HIVEP3: variants seen among roughly 807,000 people sequenced by gnomAD.
HIVEP3 encodes the protein transcription factor HIVEP3.
HIVEP3 carries 49 observed loss-of-function variants against 152.8 expected under a neutral mutation model. The observed-to-expected ratio is 0.32, with a 90% CI of 0.26 to 0.41. The LOEUF is 0.41. HIVEP3 is among the 10% of genes least tolerant of loss of function. The pLI is 1.00. For missense variants in HIVEP3, 2,790 were observed against 3,103.3 expected (o/e 0.90, Z 2.40); for synonymous variants, 1,269 against 1,289.0 (o/e 0.98, Z 0.33).
intron 1 of HIVEP3, among the ~76,000 whole-genome samples, chr1:41,917,084 C>T (rs370761419): frequency 1.3e-5 from 2 of 152,194 alleles, no homozygotes; most frequent in African/African-American, 4.8e-5. Flanking sequence ...TTCCTCCTTG[C>T]CCCCACTCTC....
At chr1:41,614,850 G>GA (rs1407702654) in intron 3 of HIVEP3, among the ~76,000 whole-genome samples, 4 of 152,138 alleles carry the variant, frequency 2.6e-5, no homozygotes, top group South Asian at 2.1e-4. Flanking sequence ...CAGTTCCTCA[G>GA]AAAAAACAAA....
chr1:41,650,186 G>C (rs1313821527), intron 2 of HIVEP3, among the ~76,000 whole-genome samples: 1 of 152,098 alleles, frequency 6.6e-6, no homozygotes, highest in Non-Finnish European at 1.5e-5. Context: ...CTTCAAAAGA[G>C]GGTCAAGAAG....
At chr1:41,856,772 C>T (rs188105620) in intron 1 of HIVEP3, among the ~76,000 whole-genome samples, 79 of 152,204 alleles carry the variant, frequency 5.2e-4, no homozygotes, top group Non-Finnish European at 7.8e-4. Context: ...GCTTTGTTGA[C>T]GGCGCTGAAG....
intron 1 of HIVEP3, among the ~76,000 whole-genome samples, chr1:41,912,764 T>C (rs1201762022): frequency 1.3e-5 from 2 of 152,240 alleles, no homozygotes; most frequent in Non-Finnish European, 2.9e-5. Context: ...TCAGCTGTGC[T>C]ATGCCCAATT....
At chr1:41,827,721 G>C (rs1019997687) in intron 1 of HIVEP3, among the ~76,000 whole-genome samples, 1 of 152,170 alleles carries the variant, frequency 6.6e-6, no homozygotes, top group Non-Finnish European at 1.5e-5. Context: ...TATTCCAGTA[G>C]AACCACATCA....
intron 1 of HIVEP3, among the ~76,000 whole-genome samples, chr1:41,914,826 C>G (rs752259692): frequency 6.1e-4 from 93 of 152,312 alleles, no homozygotes; most frequent in Non-Finnish European, 1.2e-3. Flanking sequence ...TTTCCATCAC[C>G]AGGTCTCTTC....
Position 41,546,389 on chromosome 1 carries a change from G to C in HIVEP3, c.5208-21479C>G, listed in dbSNP as rs79492590. 1.9e-3 allele frequency among the ~76,000 whole-genome samples: 293 copies of C among 152,334 alleles called. 1 individual carries two copies. Among genetic ancestry groups the C allele is most frequent in the Non-Finnish European group, 3.2e-3 (220 of 68,024 alleles). On this transcript the variant is annotated intron_variant, in intron 5 of 8. Transcript: ENST00000372583. ...TTCAGGGCACAGAAAAGCAAGGAGTGCTCTTCTCAGCAGGCTCAGAGCTGA... is the reference window on the plus strand; with the variant it reads ...TTCAGGGCACAGAAAAGCAAGGAGTCCTCTTCTCAGCAGGCTCAGAGCTGA...
upstream of HIVEP3, among the ~76,000 whole-genome samples, chr1:41,920,577 G>GTTTTTTTTTTTTTTTTTTTTTT (rs10708045): frequency 8.1e-6 from 1 of 123,180 alleles, no homozygotes. Flanking sequence ...AAACAAGATG[G>GTTTTTTTTTTTTTTTTTTTTTT]TTTTTTTTTT....
intron 1 of HIVEP3, among the ~76,000 whole-genome samples, chr1:41,890,270 C>T (rs957353377): frequency 6.6e-6 from 1 of 152,148 alleles, no homozygotes; most frequent in African/African-American, 2.4e-5. Context: ...AGCACAGAGA[C>T]AACCAAACAT....
chr1:41,779,553 T>C (rs1261309501), intron 1 of HIVEP3, among the ~76,000 whole-genome samples: 1 of 152,228 alleles, frequency 6.6e-6, no homozygotes, highest in Non-Finnish European at 1.5e-5. Context: ...GGGAGTGCAG[T>C]GGCACGATTT....
At position 41,583,011 on chromosome 1, in the gene HIVEP3, G is replaced by T. The variant is rs1644440284; in HGVS notation, c.1787C>A (p.Pro596His). 6.2e-7 allele frequency: 1 copy of T among 1,613,968 alleles called. No individual in the cohort carries two copies. Among genetic ancestry groups the T allele is most frequent in the Admixed American group, 1.7e-5 (1 of 59,992 alleles). ...MLKRQPAIEL[P>H]LGGEYSSEEP... ...CTCAGAACTGTATTCCCCTCCCAAA[G>T]GTAATTCGATTGCCGGCTGGCGCTT... The change falls in exon 4 of 9, where the codon CCT (proline) becomes CAT (histidine). Residue 596 changes from proline (P) to histidine (H), a missense_variant. Transcript: ENST00000372583. This position sits in a 1 kb window ranked among gnomAD's most constrained non-coding sequence, Gnocchi z 6.9.
chr1:41,799,469 C>A (rs1256786906), intron 1 of HIVEP3, among the ~76,000 whole-genome samples: 1 of 152,176 alleles, frequency 6.6e-6, no homozygotes, highest in Non-Finnish European at 1.5e-5. Flanking sequence ...GAAATGTCCC[C>A]AGCTCCCTCA....
Position 41,512,868 on chromosome 1 carries a change from G to A in HIVEP3, c.6353C>T (p.Pro2118Leu), listed in dbSNP as rs985878586. 2 of 1,549,884 alleles carry A rather than the reference G, an allele frequency of 1.3e-6. No individual in the cohort carries two copies. Among genetic ancestry groups the A allele is most frequent in the Non-Finnish European group, 1.7e-6 (2 of 1,143,552 alleles). ...TCTGCTGAGGAGCTTGTGAGGTAGA[G>A]GCGCGGGCGGGAAGAGAACCCGTGG... is the stretch of plus-strand genomic sequence containing the variant. The part of the protein sequence containing the change: ...LDPRVLFPPA[P>L]LPHKLLSRSP... Residue 2118 changes from proline (P) to leucine (L), a missense_variant, in exon 8 of 9, where the codon CCT becomes CTT. Transcript: ENST00000372583.
chr1:41,566,748 T>C (rs1009945535), intron 5 of HIVEP3, among the ~76,000 whole-genome samples: 2 of 152,072 alleles, frequency 1.3e-5, no homozygotes, highest in African/African-American at 2.4e-5. Flanking sequence ...TCCTTGAACA[T>C]TCTCTTCTCT....
chr1:41,629,016 C>A (rs1570150988), intron 2 of HIVEP3, 69 bp from the exon 3 acceptor site: 2 of 1,153,768 alleles, frequency 1.7e-6, no homozygotes, highest in South Asian at 4.5e-5. Context: ...ACAGAACAAT[C>A]CCTGCCTGGT....
intron 2 of HIVEP3, among the ~76,000 whole-genome samples, chr1:41,681,273 C>T (rs1172873532): frequency 6.6e-6 from 1 of 152,178 alleles, no homozygotes; most frequent in Admixed American, 6.5e-5. Context: ...TTTATATCTT[C>T]TGTAGAGACA....
rs376251457 is a variant in HIVEP3 at position 41,744,281 on chromosome 1, C to T, written c.-800-43286G>A. Among the ~76,000 whole-genome samples, 31 of 152,312 alleles carry T rather than the reference C, an allele frequency of 2.0e-4. No homozygotes were observed. The East Asian group carries it at 5.0e-3, about 25-fold the overall frequency. On this transcript the variant is annotated intron_variant, in intron 1 of 8. Coordinates refer to ENST00000372583, the MANE Select transcript of HIVEP3 (RefSeq NM_024503.5). ...GTCTCGATCTCCTGACCTCGTGATC[C>T]ACCCACCTCAGCCTCCCAAAGTGCT...
chr1:41,839,844 G>A (rs1643235381), intron 1 of HIVEP3, among the ~76,000 whole-genome samples: 1 of 152,190 alleles, frequency 6.6e-6, no homozygotes, highest in South Asian at 2.1e-4. Flanking sequence ...AAATGACCTT[G>A]CCCAAACTAT....
chr1:41,586,822 C>A (rs531803538), intron 3 of HIVEP3, among the ~76,000 whole-genome samples: 1 of 152,070 alleles, frequency 6.6e-6, no homozygotes, highest in South Asian at 2.1e-4. Flanking sequence ...CTACTTGGTG[C>A]TACAAAGAAT....
Sources: allele counts gnomAD v4.1 joint callset (sites outside exome capture counted in the v4.1 genomes callset), GRCh38; gene constraint gnomAD v4.1.1; non-coding constraint Gnocchi (gnomAD v3.1); transcripts MANE v1.5; gene names NCBI Gene and HGNC (gene_info 2026-07-23, HGNC 2026-07-21).